The following WWOX variants were observed in gnomAD, a reference collection of about 807,000 sequenced individuals.
The protein encoded by WWOX is WW domain-containing oxidoreductase.
Under a neutral mutation model 46.2 loss-of-function variants are expected in WWOX, and 69 were observed. The observed-to-expected ratio is 1.49, with a 90% CI of 1.23 to 1.82. The LOEUF (loss-of-function observed/expected upper bound fraction) is 1.82. Among genes scored for constraint, WWOX ranks in the 40% most tolerant of loss-of-function variants. The probability of loss-of-function intolerance (pLI) is 0.00; values close to 1 mark genes in which losing one functional copy is unlikely to be tolerated. For synonymous variants in WWOX, 359 were observed against 202.6 expected, an observed-to-expected ratio of 1.77 and a Z score of -6.56; for missense variants, 919 against 542.6, an observed-to-expected ratio of 1.69 and a Z score of -6.89.
chr16:78,730,539 C>T (rs1339744625), intron 8 of WWOX, among the ~76,000 whole-genome samples: 1 of 151,992 alleles, frequency 6.6e-6, no homozygotes, highest in East Asian at 1.9e-4. Flanking sequence ...GCAGCCTCAA[C>T]CGCCTGGTCT....
At chr16:78,628,625 T>TA (rs2046361448) in intron 8 of WWOX, among the ~76,000 whole-genome samples, 1 of 152,196 alleles carries the variant, frequency 6.6e-6, no homozygotes, top group South Asian at 2.1e-4. Context: ...CCAGCAATTT[T>TA]TTTTTTTTAG....
chr16:79,126,222 G>T (rs957530648), intron 8 of WWOX, among the ~76,000 whole-genome samples: 1 of 151,988 alleles, frequency 6.6e-6, no homozygotes, highest in African/African-American at 2.4e-5. Context: ...TTGGGCTTTG[G>T]GGTGCTGGGA....
chr16:78,914,851 C>T (rs374206649), intron 8 of WWOX, among the ~76,000 whole-genome samples: 2 of 145,880 alleles, frequency 1.4e-5, no homozygotes, highest in South Asian at 4.5e-4. Flanking sequence ...TGCACTCCCG[C>T]CCGGGTGACA....
intron 4 of WWOX, among the ~76,000 whole-genome samples, chr16:78,158,525 C>A (rs2034679902): frequency 7.0e-6 from 1 of 143,572 alleles, no homozygotes; most frequent in South Asian, 2.5e-4. Context: ...AATATAGATT[C>A]ATATTTTTTA....
At chr16:78,673,854 A>G (rs980500373) in intron 8 of WWOX, among the ~76,000 whole-genome samples, 2 of 152,198 alleles carry the variant, frequency 1.3e-5, no homozygotes, top group South Asian at 4.1e-4. Flanking sequence ...GGTTTGTGCC[A>G]TGCAAAAAAC....
intron 8 of WWOX, among the ~76,000 whole-genome samples, chr16:78,668,000 T>TG (rs1482751246): frequency 1.1e-4 from 16 of 152,264 alleles, no homozygotes; most frequent in African/African-American, 3.8e-4. Flanking sequence ...ACAACTTGGC[T>TG]GGGTGCGGTG....
At chr16:78,826,031 C>T (rs2051645381) in intron 8 of WWOX, 7 of 496,188 alleles carry the variant, frequency 1.4e-5, no homozygotes, top group East Asian at 3.4e-5. Context: ...CAGTTGTATT[C>T]GGAGTCTGGA....
chr16:79,009,459 C>T (rs952107661), intron 8 of WWOX, among the ~76,000 whole-genome samples: 1 of 151,958 alleles, frequency 6.6e-6, no homozygotes, highest in Non-Finnish European at 1.5e-5. Context: ...CTTTAGAGGC[C>T]CATCATCAAA....
chr16:78,452,475 C>CTCTTTTTTT (rs1373956901), intron 8 of WWOX, among the ~76,000 whole-genome samples: 1 of 126,076 alleles, frequency 7.9e-6, no homozygotes, highest in South Asian at 2.6e-4. Flanking sequence ...CTCTCTCTCT[C>CTCTTTTTTT]TTTTTTTTTT....
At chr16:78,600,935 C>T (rs3866636) in intron 8 of WWOX, among the ~76,000 whole-genome samples, 2,417 of 152,240 alleles carry the variant, frequency 0.016, 51 homozygotes, top group East Asian at 0.069. Context: ...GCATCTGTAG[C>T]TTTGGAGGTA....
At chr16:78,502,465 C>T (rs2085093709) in intron 8 of WWOX, among the ~76,000 whole-genome samples, 1 of 152,186 alleles carries the variant, frequency 6.6e-6, no homozygotes, top group South Asian at 2.1e-4. Flanking sequence ...TGGTTTCTTC[C>T]TCTTAGCATC....
intron 8 of WWOX, among the ~76,000 whole-genome samples, chr16:78,434,109 A>G (rs2083285632): frequency 6.6e-6 from 1 of 152,142 alleles, no homozygotes; most frequent in Admixed American, 6.5e-5. Context: ...TTTTAAAACC[A>G]CATCAAAAGT....
intron 8 of WWOX, among the ~76,000 whole-genome samples, chr16:78,631,778 G>C (rs2046438155): frequency 6.6e-6 from 1 of 151,958 alleles, no homozygotes; most frequent in African/African-American, 2.4e-5. Flanking sequence ...TGCTCACCTG[G>C]GTCTCCCAAA....
intron 8 of WWOX, among the ~76,000 whole-genome samples, chr16:78,655,236 C>T (rs1041350327): frequency 3.3e-5 from 5 of 152,152 alleles, no homozygotes; most frequent in African/African-American, 1.2e-4. Flanking sequence ...GTCTCTGCCT[C>T]ATCTGGCTTC....
chr16:78,962,074 A>G (rs930467827), intron 8 of WWOX, among the ~76,000 whole-genome samples: 1 of 152,112 alleles, frequency 6.6e-6, no homozygotes, highest in Non-Finnish European at 1.5e-5. Flanking sequence ...GGGTTGGGCC[A>G]TAAAGGAGCT....
chr16:78,841,305 G>C (rs950149725), intron 8 of WWOX, among the ~76,000 whole-genome samples: 15 of 152,160 alleles, frequency 9.9e-5, no homozygotes, highest in African/African-American at 3.6e-4. Context: ...ACCATAATGT[G>C]ATCTGTCTAC....
At chr16:78,498,394 C>T (rs1011098365) in intron 8 of WWOX, among the ~76,000 whole-genome samples, 1 of 152,136 alleles carries the variant, frequency 6.6e-6, no homozygotes, top group South Asian at 2.1e-4. Context: ...CTTCCCACCC[C>T]TTCCCCACCT....
intron 8 of WWOX, among the ~76,000 whole-genome samples, chr16:78,656,918 T>G (rs2047094225): frequency 6.6e-6 from 1 of 152,306 alleles, no homozygotes; most frequent in Admixed American, 6.5e-5. Flanking sequence ...AGGCTGTCGA[T>G]ACACCGCTGC....
intron 8 of WWOX, among the ~76,000 whole-genome samples, chr16:78,878,660 A>C (rs908733541): frequency 5.9e-5 from 9 of 152,124 alleles, no homozygotes; most frequent in Non-Finnish European, 1.3e-4. Context: ...GGTTCTGTAA[A>C]TGTTACCCAT....
Sources: gnomAD v4.1 joint callset for allele counts (sites outside exome capture counted in the v4.1 genomes callset) on GRCh38, gnomAD v4.1.1 for gene constraint, MANE v1.5 for transcripts, NCBI Gene and HGNC (gene_info 2026-07-23, HGNC 2026-07-21) for gene names.